Variants in TMEM117 observed in about 807,000 individuals in gnomAD.
The protein encoded by TMEM117 is transmembrane protein 117.
A neutral mutation model predicts 52.4 loss-of-function variants in TMEM117; 27 were observed. The ratio of observed to expected loss-of-function variants is 0.51; its 90% confidence interval spans 0.38 to 0.71. TMEM117 has a LOEUF of 0.71. Ranked by LOEUF, TMEM117 falls within the 30% of genes least tolerant of loss-of-function variation. TMEM117 has a pLI of 0.00. For missense variants in TMEM117, 556 were observed against 630.5 expected, an observed-to-expected ratio of 0.88 and a Z score of 1.26; for synonymous variants, 215 against 206.3, an observed-to-expected ratio of 1.04 and a Z score of -0.36.
chr12:43,996,599 C>T (rs540163014), intron 3 of TMEM117, among the ~76,000 whole-genome samples: 29 of 151,850 alleles, frequency 1.9e-4, no homozygotes, highest in African/African-American at 6.3e-4. Context: ...GCTGAGATCA[C>T]GCCACTGCAC....
intron 3 of TMEM117, among the ~76,000 whole-genome samples, chr12:44,063,241 TAGA>T (rs1222105737): frequency 1.3e-5 from 2 of 152,212 alleles, no homozygotes; most frequent in African/African-American, 2.4e-5. Flanking sequence ...GTTTTGAAGC[TAGA>T]AGATGTTTTC....
intron 4 of TMEM117, among the ~76,000 whole-genome samples, chr12:44,207,602 AGATT>A (rs762957698): frequency 2.0e-5 from 3 of 152,118 alleles, no homozygotes; most frequent in Admixed American, 6.6e-5. Context: ...TTTATAGAAA[AGATT>A]GATTGTCAAA....
chr12:43,805,746 T>A, the TMEM117 span: 2 of 1,299,546 alleles, frequency 1.5e-6, no homozygotes, highest in African/African-American at 3.0e-5. Context: ...GCACCCCTAC[T>A]GATGTGAGAA....
intron 3 of TMEM117, among the ~76,000 whole-genome samples, chr12:44,134,241 T>C (rs770611237): frequency 6.6e-6 from 1 of 152,152 alleles, no homozygotes; most frequent in Non-Finnish European, 1.5e-5. Flanking sequence ...TGAGACAGGT[T>C]ATCACTCTGT....
At chr12:44,061,602 G>C (rs922758848) in intron 3 of TMEM117, among the ~76,000 whole-genome samples, 1 of 152,038 alleles carries the variant, frequency 6.6e-6, no homozygotes, top group Non-Finnish European at 1.5e-5. Flanking sequence ...ACACATTTCC[G>C]TAACACTACA....
rs146867925 is a variant in TMEM117 at position 43,850,872 on chromosome 12, G to GTGATGA, written c.277+5962_277+5967dup. ...AAACTTCTGATAGGTGATGATGATG[G>GTGATGA]TGATGATGATGATGATGATGATGTT... On this transcript the variant is annotated intron_variant, in intron 2 of 7. Transcript: ENST00000266534. Among the ~76,000 whole-genome samples, 302 of 150,592 alleles carry GTGATGA rather than the reference G, an allele frequency of 2.0e-3. 1 individual carries two copies. The highest frequency in any genetic ancestry group is 6.8e-3 in the African/African-American group (274 of 40,496).
At chr12:43,825,074 T>C in the TMEM117 span, among the ~76,000 whole-genome samples, 1 of 152,228 alleles carries the variant, frequency 6.6e-6, no homozygotes, top group African/African-American at 2.4e-5. Context: ...CATTCAAGAA[T>C]GTAGACCCTG....
At chr12:44,180,176 G>A (rs974105007) in intron 4 of TMEM117, among the ~76,000 whole-genome samples, 7 of 152,036 alleles carry the variant, frequency 4.6e-5, no homozygotes, top group African/African-American at 1.7e-4. Flanking sequence ...GTTGGTGAGA[G>A]CACACATTTA....
At chr12:43,874,468 G>A in intron 2 of TMEM117, among the ~76,000 whole-genome samples, 1 of 151,844 alleles carries the variant, frequency 6.6e-6, no homozygotes, top group East Asian at 1.9e-4. Flanking sequence ...GCAGGCACCT[G>A]TAATCCCAGT....
the TMEM117 span, chr12:43,806,353 C>T: frequency 8.0e-7 from 1 of 1,254,832 alleles, no homozygotes; most frequent in Non-Finnish European, 1.0e-6. Context: ...GTCATCCGCC[C>T]GCGACCCGCG....
At chr12:44,160,562 G>C (rs918951801) in intron 4 of TMEM117, among the ~76,000 whole-genome samples, 1 of 152,252 alleles carries the variant, frequency 6.6e-6, no homozygotes, top group South Asian at 2.1e-4. Context: ...TCATCACTTT[G>C]GGAGGCTGAG....
intron 2 of TMEM117, among the ~76,000 whole-genome samples, chr12:43,909,830 G>T (rs1200660822): frequency 2.3e-5 from 3 of 127,858 alleles, no homozygotes; most frequent in African/African-American, 8.0e-5. Context: ...AATAACAGGA[G>T]CTGAAATTGT....
At chr12:44,254,287 A>G (rs1172361275) in intron 5 of TMEM117, among the ~76,000 whole-genome samples, 1 of 152,076 alleles carries the variant, frequency 6.6e-6, no homozygotes, top group Non-Finnish European at 1.5e-5. Flanking sequence ...ATTAGTATGA[A>G]GAGGATTAAT....
At chr12:44,275,253 G>A (rs764248405) in intron 5 of TMEM117, among the ~76,000 whole-genome samples, 1 of 152,004 alleles carries the variant, frequency 6.6e-6, no homozygotes, top group East Asian at 1.9e-4. Context: ...GTGAGATGTC[G>A]TCTCACCCCA....
chr12:44,170,360 G>A (rs1366451833), intron 4 of TMEM117, among the ~76,000 whole-genome samples: 1 of 151,686 alleles, frequency 6.6e-6, no homozygotes, highest in African/African-American at 2.4e-5. Flanking sequence ...GAGTTAACGG[G>A]TGCAGCACAC....
chr12:44,187,208 A>G (rs1232145972), intron 4 of TMEM117, among the ~76,000 whole-genome samples: 1 of 152,128 alleles, frequency 6.6e-6, no homozygotes, highest in Non-Finnish European at 1.5e-5. Flanking sequence ...TATTTCCTCC[A>G]TATCAGTCTA....
chr12:43,838,268 A>ATG (rs1380259383), intron 1 of TMEM117, among the ~76,000 whole-genome samples: 1 of 151,950 alleles, frequency 6.6e-6, no homozygotes, highest in South Asian at 2.1e-4. Flanking sequence ...ATGTGTACAT[A>ATG]TGTGTGTGTG....
intron 5 of TMEM117, among the ~76,000 whole-genome samples, chr12:44,287,337 G>A (rs1950650733): frequency 1.3e-5 from 2 of 152,212 alleles, no homozygotes; most frequent in Admixed American, 1.3e-4. Flanking sequence ...CTTGCTGGCA[G>A]TGGCTGCAGC....
chr12:43,799,531 T>A, the TMEM117 span: 2 of 1,305,270 alleles, frequency 1.5e-6, no homozygotes, highest in Non-Finnish European at 2.1e-6. Context: ...CTATAATCAG[T>A]AATTCTCTAG....
Sources: allele counts gnomAD v4.1 joint callset (sites outside exome capture counted in the v4.1 genomes callset), GRCh38; gene constraint gnomAD v4.1.1; transcripts MANE v1.5; gene names NCBI Gene and HGNC (gene_info 2026-07-23, HGNC 2026-07-21).